Variants in ASH1L observed in about 807,000 individuals in gnomAD.
ASH1L encodes histone-lysine N-methyltransferase ASH1L.
In ASH1L, 23 loss-of-function variants were observed where a neutral mutation model predicts 269.0. That is an observed-to-expected ratio of 0.09 (90% CI 0.06 to 0.12). ASH1L has a LOEUF of 0.12. Among genes scored for constraint, ASH1L ranks in the 10% least tolerant of loss-of-function variants. The probability of loss-of-function intolerance (pLI) is 1.00; values close to 1 mark genes in which losing one functional copy is unlikely to be tolerated. For missense variants in ASH1L, 2,912 were observed against 3,567.8 expected, an observed-to-expected ratio of 0.82 and a Z score of 4.68; for synonymous variants, 1,187 against 1,253.5, an observed-to-expected ratio of 0.95 and a Z score of 1.12.
At chr1:155,522,457 A>T (rs1477915577) in intron 1 of ASH1L, among the ~76,000 whole-genome samples, 1 of 152,240 alleles carries the variant, frequency 6.6e-6, no homozygotes, top group Non-Finnish European at 1.5e-5. Flanking sequence ...CACTGTTGTT[A>T]TAAGAACCTT....
At chr1:155,534,993 G>C (rs944892098) in intron 1 of ASH1L, among the ~76,000 whole-genome samples, 22 of 152,080 alleles carry the variant, frequency 1.4e-4, no homozygotes, top group African/African-American at 5.1e-4. Context: ...AGCAAGACCA[G>C]CCTAGCCAAC....
chr1:155,556,556 TG>T lies in ASH1L; in HGVS notation c.-100+5596del, dbSNP rs1671604985. Among the ~76,000 whole-genome samples the T allele has an allele frequency of 1.3e-5, 2 of 152,036 alleles. 1 individual carries two copies. Among genetic ancestry groups the T allele is most frequent in the South Asian group, 4.1e-4 (2 of 4,828 alleles). On this transcript the variant is annotated intron_variant, in intron 1 of 27. Coordinates refer to ENST00000392403, the MANE Select transcript of ASH1L (RefSeq NM_018489.3). ...ACCTCCCAGGTTCAACTGATTCTTCTGCCTTAGCCTCCCGAGTAGCTGGGAC... is the reference window on the plus strand; with the variant it reads ...ACCTCCCAGGTTCAACTGATTCTTCTCCTTAGCCTCCCGAGTAGCTGGGAC...
chr1:155,396,729 C>T (rs1419856646), intron 6 of ASH1L, among the ~76,000 whole-genome samples: 1 of 151,320 alleles, frequency 6.6e-6, no homozygotes, highest in Non-Finnish European at 1.5e-5. Context: ...TTTGGAAGGC[C>T]GAGGCGGGTG....
At chr1:155,455,941 C>T (rs1028567751) in intron 4 of ASH1L, among the ~76,000 whole-genome samples, 1 of 152,112 alleles carries the variant, frequency 6.6e-6, no homozygotes, top group Non-Finnish European at 1.5e-5. Flanking sequence ...TCTATTTTCC[C>T]GTACATTGTT....
chr1:155,498,211 T>C (rs1434620238), intron 2 of ASH1L, among the ~76,000 whole-genome samples: 1 of 152,084 alleles, frequency 6.6e-6, no homozygotes, highest in Non-Finnish European at 1.5e-5. Context: ...AGAATAGTGG[T>C]TGCCAGGGGC....
chr1:155,504,825 C>T (rs1667712823), intron 2 of ASH1L, among the ~76,000 whole-genome samples: 1 of 150,534 alleles, frequency 6.6e-6, no homozygotes, highest in African/African-American at 2.5e-5. Flanking sequence ...TTGTCTCCAG[C>T]CTGGGCAACC....
At chr1:155,398,886 G>A (rs930249078) in intron 6 of ASH1L, among the ~76,000 whole-genome samples, 2 of 151,860 alleles carry the variant, frequency 1.3e-5, no homozygotes, top group African/African-American at 2.4e-5. Context: ...ACGAAGGGAT[G>A]GGACATTTTA....
chr1:155,386,131 A>G (rs898951277), intron 7 of ASH1L, among the ~76,000 whole-genome samples: 58 of 149,352 alleles, frequency 3.9e-4, no homozygotes, highest in Non-Finnish European at 3.0e-4. Flanking sequence ...GCAGTGGTGT[A>G]ATCTCAGCTC....
At position 155,357,711 on chromosome 1, in the gene ASH1L, G is replaced by A. The variant is rs769983609; in HGVS notation, c.6834C>T (p.Ile2278=). The part of the protein sequence containing the change: ...CKCGFEKCRG[I]IGGKSQRVNG... ...TCACACGCTGACTCTTGCCTCCGAT[G>A]ATTCCTCGACATTTCTCAAAGCCAC... Residue 2278 remains isoleucine (I), a synonymous_variant, in exon 14 of 28, where the codon ATC becomes ATT. Transcript: ENST00000392403. 2.5e-6 allele frequency: 4 copies of A among 1,614,136 alleles called. No homozygotes were observed. The highest frequency in any genetic ancestry group is 1.1e-5 in the South Asian group (1 of 91,080).
At chr1:155,440,136 CCT>C (rs1034859994) in intron 4 of ASH1L, among the ~76,000 whole-genome samples, 1 of 151,798 alleles carries the variant, frequency 6.6e-6, no homozygotes, top group Non-Finnish European at 1.5e-5. Flanking sequence ...GTACTGAGAC[CCT>C]GTCTCAACAA....
intron 4 of ASH1L, among the ~76,000 whole-genome samples, chr1:155,440,920 T>C (rs1662507861): frequency 6.6e-6 from 1 of 152,222 alleles, no homozygotes; most frequent in African/African-American, 2.4e-5. Context: ...ACATTATGTA[T>C]ACTGACCATC....
rs1558229705 is a variant in ASH1L, at chr1:155,562,444, G to C, written c.-391C>G. On this transcript the variant is annotated 5_prime_UTR_variant, in exon 1 of 28. Coordinates refer to ENST00000392403, the MANE Select transcript of ASH1L (RefSeq NM_018489.3). ...GGCGGGAGCGGCGGCGGCGGCGGCGGCAGCAGCAGAGTGGCGGCGGTGGCG... is the reference window on the plus strand; with the variant it reads ...GGCGGGAGCGGCGGCGGCGGCGGCGCCAGCAGCAGAGTGGCGGCGGTGGCG... 6.8e-7 allele frequency: 1 copy of C among 1,468,058 alleles called. No homozygotes were observed. Among genetic ancestry groups the C allele is most frequent in the Non-Finnish European group, 9.2e-7 (1 of 1,083,342 alleles). The allele number at this position is 1,468,058 out of a possible 1,614,324, so 90.9% of individuals were successfully genotyped here.
At chr1:155,424,054 G>T (rs1234004089) in intron 5 of ASH1L, among the ~76,000 whole-genome samples, 1 of 152,102 alleles carries the variant, frequency 6.6e-6, no homozygotes, top group African/African-American at 2.4e-5. Context: ...GGCAACCACA[G>T]CTGCAGACCC....
chr1:155,453,840 C>A (rs1007226597), intron 4 of ASH1L, among the ~76,000 whole-genome samples: 1 of 152,030 alleles, frequency 6.6e-6, no homozygotes, highest in African/African-American at 2.4e-5. Flanking sequence ...CAGTGGCTCA[C>A]GCCTGTAATC....
chr1:155,431,721 C>T (rs1442209915), intron 5 of ASH1L, among the ~76,000 whole-genome samples: 2 of 152,050 alleles, frequency 1.3e-5, no homozygotes, highest in East Asian at 3.9e-4. Context: ...TGAGATTGTG[C>T]CACTGTAGTC....
intron 2 of ASH1L, among the ~76,000 whole-genome samples, chr1:155,506,920 T>C (rs755545015): frequency 7.9e-5 from 12 of 151,836 alleles, no homozygotes; most frequent in Non-Finnish European, 1.8e-4. Context: ...ATAGCCAGAC[T>C]GTTTCTACAA....
chr1:155,533,550 T>TAA (rs879679136), intron 1 of ASH1L, among the ~76,000 whole-genome samples: 4 of 140,622 alleles, frequency 2.8e-5, no homozygotes, highest in Non-Finnish European at 4.7e-5. Context: ...CGTCTCCACT[T>TAA]AAAAAAAAAA....
At chr1:155,438,272 C>CA in intron 5 of ASH1L, 55 bp downstream of exon 5, 1 of 1,470,800 alleles carries the variant, frequency 6.8e-7, no homozygotes, top group Admixed American at 2.4e-5. Flanking sequence ...AGTTACATTA[C>CA]AGTTTTTCAA....
intron 2 of ASH1L, among the ~76,000 whole-genome samples, chr1:155,496,611 C>A (rs904090911): frequency 6.6e-6 from 1 of 152,076 alleles, no homozygotes; most frequent in African/African-American, 2.4e-5. Flanking sequence ...CTCACGTATA[C>A]ACGAGTCTAC....
Sources: allele counts gnomAD v4.1 joint callset (sites outside exome capture counted in the v4.1 genomes callset), GRCh38; gene constraint gnomAD v4.1.1; transcripts MANE v1.5; gene names NCBI Gene and HGNC (gene_info 2026-07-23, HGNC 2026-07-21).